PCDH7: variants seen among roughly 807,000 people sequenced by gnomAD.
PCDH7 encodes the protein protocadherin 7.
In PCDH7, 17 loss-of-function variants were observed where a neutral mutation model predicts 58.9. The ratio of observed to expected loss-of-function variants is 0.29; its 90% confidence interval spans 0.20 to 0.43. PCDH7 has a LOEUF of 0.43. Among genes scored for constraint, PCDH7 ranks in the 20% least tolerant of loss-of-function variants. The pLI is 1.00. For synonymous variants in PCDH7, 664 were observed against 616.4 expected (o/e 1.08, Z -1.14); for missense variants, 1,274 against 1,441.0 (o/e 0.88, Z 1.88).
At chr4:31,105,836 T>A (rs1715485272) in intron 3 of PCDH7, among the ~76,000 whole-genome samples, 1 of 151,834 alleles carries the variant, frequency 6.6e-6, no homozygotes, top group African/African-American at 2.4e-5. Context: ...TGAAACCCCG[T>A]CTTTACTAAA....
chr4:30,945,168 AAAT>A (rs1459769776), intron 2 of PCDH7, among the ~76,000 whole-genome samples: 2 of 152,068 alleles, frequency 1.3e-5, no homozygotes, highest in Non-Finnish European at 2.9e-5. Flanking sequence ...AGGAAAAATA[AAAT>A]AATATTTTAT....
downstream of PCDH7, among the ~76,000 whole-genome samples, chr4:30,736,173 TAAAG>T (rs778133539): frequency 6.6e-6 from 1 of 152,116 alleles, no homozygotes; most frequent in South Asian, 2.1e-4. Context: ...AGCTGAGACT[TAAAG>T]AGGATAACAA....
intron 1 of PCDH7, among the ~76,000 whole-genome samples, chr4:30,903,826 C>G (rs1439735976): frequency 6.6e-6 from 1 of 151,914 alleles, no homozygotes; most frequent in Non-Finnish European, 1.5e-5. Flanking sequence ...AGAGACCTAG[C>G]CTACTTCATT....
At chr4:31,138,381 A>G (rs1719872385) in intron 3 of PCDH7, among the ~76,000 whole-genome samples, 1 of 152,052 alleles carries the variant, frequency 6.6e-6, no homozygotes, top group African/African-American at 2.4e-5. Context: ...TGTGACATCT[A>G]TTTCCTGTGC....
intron 1 of PCDH7, among the ~76,000 whole-genome samples, chr4:30,818,809 A>G (rs1482291354): frequency 6.6e-6 from 1 of 152,146 alleles, no homozygotes; most frequent in Non-Finnish European, 1.5e-5. Context: ...GATTACAAAA[A>G]TACTCATGAC....
intron 1 of PCDH7, among the ~76,000 whole-genome samples, chr4:30,896,237 T>G (rs2109389482): frequency 6.6e-6 from 1 of 152,324 alleles, no homozygotes; most frequent in Middle Eastern, 3.4e-3. Context: ...GTTACATAGA[T>G]TTGAACAGGC....
intron 3 of PCDH7, among the ~76,000 whole-genome samples, chr4:31,033,921 C>T (rs994785572): frequency 7.9e-5 from 12 of 152,008 alleles, no homozygotes; most frequent in African/African-American, 2.9e-4. Flanking sequence ...TGGTGAAACC[C>T]CATCTCTACT....
chr4:31,139,293 T>C (rs1719977401), intron 3 of PCDH7, among the ~76,000 whole-genome samples: 1 of 152,214 alleles, frequency 6.6e-6, no homozygotes. Flanking sequence ...ACTATTTTAT[T>C]TTCCTGTTGT....
intron 3 of PCDH7, among the ~76,000 whole-genome samples, chr4:31,121,301 C>G (rs1717665005): frequency 6.6e-6 from 1 of 152,044 alleles, no homozygotes; most frequent in Non-Finnish European, 1.5e-5. Flanking sequence ...AATTATCTAT[C>G]TTTTTAATAA....
At chr4:30,767,670 T>A (rs1720925852) in intron 1 of PCDH7, among the ~76,000 whole-genome samples, 1 of 152,174 alleles carries the variant, frequency 6.6e-6, no homozygotes, top group South Asian at 2.1e-4. Flanking sequence ...CAGGAAACTC[T>A]TAGTCTCCCA....
chr4:30,976,704 A>C (rs1289870941), intron 3 of PCDH7, among the ~76,000 whole-genome samples: 3 of 152,172 alleles, frequency 2.0e-5, no homozygotes, highest in Non-Finnish European at 4.4e-5. Context: ...CGGCCCATAA[A>C]ATTCTTAAAG....
rs570889787 is a variant in PCDH7, at chr4:31,106,683, A to G, written c.*8-35790A>G. On this transcript the variant is annotated intron_variant, in intron 3 of 3. Transcript: ENST00000509759. ...GCCAGAGTTTGACTGTTTATTTCAC[A>G]TCAGTTATCATGAAATTATTCATAA... is the stretch of plus-strand genomic sequence containing the variant. Among the ~76,000 whole-genome samples the G allele has an allele frequency of 5.9e-5, 9 of 152,350 alleles. No homozygotes were observed. The East Asian group carries it at 1.7e-3, about 29-fold the overall frequency.
At chr4:30,984,298 C>G (rs1750795324) in intron 3 of PCDH7, among the ~76,000 whole-genome samples, 1 of 152,106 alleles carries the variant, frequency 6.6e-6, no homozygotes, top group Admixed American at 6.5e-5. Context: ...AAAGGCCTGG[C>G]CTTCATTTCT....
At chr4:30,843,584 T>C (rs142476046) in intron 1 of PCDH7, among the ~76,000 whole-genome samples, 1 of 152,362 alleles carries the variant, frequency 6.6e-6, no homozygotes, top group East Asian at 1.9e-4. Flanking sequence ...TTCTGATTTC[T>C]GTCTTTACTT....
chr4:31,048,987 A>G (rs941604739), intron 3 of PCDH7, among the ~76,000 whole-genome samples: 1 of 152,264 alleles, frequency 6.6e-6, no homozygotes, highest in Admixed American at 6.5e-5. Flanking sequence ...CAAGCTGTGG[A>G]TATCATTTAA....
intron 1 of PCDH7, among the ~76,000 whole-genome samples, chr4:30,881,361 A>G (rs76668637): frequency 0.023 from 3,560 of 152,232 alleles, 141 homozygotes; most frequent in African/African-American, 0.081. Flanking sequence ...AAAACAAAAC[A>G]AAACAAAACC....
At chr4:31,061,657 G>A (rs554127689) in intron 3 of PCDH7, among the ~76,000 whole-genome samples, 1 of 151,656 alleles carries the variant, frequency 6.6e-6, no homozygotes, top group African/African-American at 2.4e-5. Context: ...AACAAAAGAG[G>A]CTTAAAAGTC....
At chr4:31,071,555 A>G (rs1017830739) in intron 3 of PCDH7, among the ~76,000 whole-genome samples, 32 of 152,074 alleles carry the variant, frequency 2.1e-4, no homozygotes, top group Non-Finnish European at 4.4e-4. Context: ...AAATGCAGGC[A>G]AATTTTAGTT....
intron 1 of PCDH7, among the ~76,000 whole-genome samples, chr4:30,902,424 C>T (rs370387552): frequency 7.2e-5 from 11 of 152,116 alleles, no homozygotes; most frequent in East Asian, 1.9e-4. Flanking sequence ...TTAAAAATGC[C>T]GACACTATCT....
Sources: gnomAD v4.1 joint callset for allele counts (sites outside exome capture counted in the v4.1 genomes callset) on GRCh38, gnomAD v4.1.1 for gene constraint, MANE v1.5 for transcripts, NCBI Gene and HGNC (gene_info 2026-07-23, HGNC 2026-07-21) for gene names.